Variants in ZNF346 observed in about 807,000 individuals in gnomAD.
ZNF346 encodes zinc finger protein 346.
In ZNF346, 23 loss-of-function variants were observed where a neutral mutation model predicts 33.7. That is an observed-to-expected ratio of 0.68 (90% CI 0.49 to 0.97). ZNF346 has a LOEUF of 0.97. ZNF346 is among the 50% of genes least tolerant of loss of function. The probability of loss-of-function intolerance (pLI) is 0.00; values close to 1 mark genes in which losing one functional copy is unlikely to be tolerated. For synonymous variants in ZNF346, 134 were observed against 142.4 expected, an observed-to-expected ratio of 0.94 and a Z score of 0.42; for missense variants, 340 against 371.1, an observed-to-expected ratio of 0.92 and a Z score of 0.69.
chr5:177,028,657 G>C (rs1182524214), intron 1 of ZNF346, among the ~76,000 whole-genome samples: 1 of 144,320 alleles, frequency 6.9e-6, no homozygotes, highest in East Asian at 2.0e-4. Context: ...AACTGCTCCA[G>C]AGCAAGAAAG....
At chr5:177,056,737 G>A (rs1781734520) in intron 5 of ZNF346, among the ~76,000 whole-genome samples, 1 of 150,454 alleles carries the variant, frequency 6.6e-6, no homozygotes, top group African/African-American at 2.4e-5. Context: ...GACACAGGGT[G>A]GGGAACATCA....
chr5:177,032,629 T>C (rs1212787949), intron 1 of ZNF346, among the ~76,000 whole-genome samples: 1 of 152,154 alleles, frequency 6.6e-6, no homozygotes, highest in East Asian at 1.9e-4. Flanking sequence ...CAGCCTGGTC[T>C]CAAACTCCTG....
intron 1 of ZNF346, among the ~76,000 whole-genome samples, chr5:177,025,994 A>AT (rs1165347129): frequency 6.8e-4 from 41 of 60,128 alleles, no homozygotes; most frequent in Middle Eastern, 6.7e-3. Context: ...TATTATTATT[A>AT]TTATTTTTTT....
intron 1 of ZNF346, among the ~76,000 whole-genome samples, chr5:177,037,725 T>G (rs1438791897): frequency 6.6e-6 from 1 of 152,328 alleles, no homozygotes; most frequent in East Asian, 1.9e-4. Context: ...CCTTGTTCTT[T>G]CTGCTTCCAT....
intron 1 of ZNF346, among the ~76,000 whole-genome samples, chr5:177,024,610 G>A (rs1375385650): frequency 6.6e-6 from 1 of 152,196 alleles, no homozygotes; most frequent in African/African-American, 2.4e-5. Flanking sequence ...TTGAGCTTCA[G>A]AGCTGGAGTA....
chr5:177,060,262 C>T (rs1047028128), intron 5 of ZNF346, among the ~76,000 whole-genome samples: 2 of 152,202 alleles, frequency 1.3e-5, no homozygotes, highest in African/African-American at 4.8e-5. Flanking sequence ...GCGGCTCACG[C>T]CTATAATCCC....
chr5:177,048,898 C>T (rs59031080), intron 4 of ZNF346, among the ~76,000 whole-genome samples: 3,266 of 151,336 alleles, frequency 0.022, 126 homozygotes, highest in African/African-American at 0.075. Flanking sequence ...AGTTCTCCTG[C>T]CTCAGCCTCC....
intron 5 of ZNF346, among the ~76,000 whole-genome samples, chr5:177,059,434 C>T (rs909291884): frequency 6.6e-6 from 1 of 152,162 alleles, no homozygotes; most frequent in African/African-American, 2.4e-5. Context: ...CCAAATCCCA[C>T]CAGGGGCAAA....
At chr5:177,044,302 C>T (rs1779753564) in intron 3 of ZNF346, 87 bp from the exon 4 acceptor site, 1 of 1,509,284 alleles carries the variant, frequency 6.6e-7, no homozygotes, top group Non-Finnish European at 9.1e-7. Context: ...CCATAAATGC[C>T]TGTTCTGTTA....
intron 4 of ZNF346, 171 bp from the exon 5 acceptor site, chr5:177,050,580 C>T: frequency 1.5e-6 from 1 of 669,062 alleles, no homozygotes; most frequent in Non-Finnish European, 2.6e-6. Context: ...GTGTGACTCA[C>T]ACAGGCAGTG....
intron 5 of ZNF346, 94 bp from the exon 6 acceptor site, chr5:177,061,964 C>A: frequency 9.1e-7 from 1 of 1,093,968 alleles, no homozygotes; most frequent in Non-Finnish European, 1.4e-6. Flanking sequence ...CTCACCTGTC[C>A]GTCCTTAGAA....
intron 1 of ZNF346, 97 bp from the exon 2 acceptor site, chr5:177,041,029 C>T (rs370347092): frequency 3.8e-5 from 34 of 902,754 alleles, no homozygotes; most frequent in Non-Finnish European, 6.0e-5. Flanking sequence ...AGTATGGCAT[C>T]CCATCATTCA....
chr5:177,025,808 CT>C (rs1209206083), intron 1 of ZNF346, among the ~76,000 whole-genome samples: 5 of 152,090 alleles, frequency 3.3e-5, no homozygotes, highest in Non-Finnish European at 5.9e-5. Context: ...GTATTTCCCC[CT>C]GACTGTGACT....
At chr5:177,049,077 C>T (rs1334467741) in intron 4 of ZNF346, among the ~76,000 whole-genome samples, 2 of 152,072 alleles carry the variant, frequency 1.3e-5, no homozygotes, top group African/African-American at 4.8e-5. Context: ...CAAGCCATTG[C>T]GCCTGGCCTG....
chr5:177,066,332 T>C lies in ZNF346; in HGVS notation c.*1733T>C, dbSNP rs1783161677. Among the ~76,000 whole-genome samples the C allele has an allele frequency of 6.6e-6, 1 of 152,084 alleles. No individual in the cohort carries two copies. The highest frequency in any genetic ancestry group is 1.9e-4 in the East Asian group (1 of 5,162). On this transcript the variant is annotated 3_prime_UTR_variant, in exon 7 of 7. Transcript: ENST00000358149. The stretch of plus-strand genomic sequence containing the variant: ...GAGACAAGGAGGCCAGTATGGACAC[T>C]GTGTCCAGTATGGCTTTCCAGGCTA...
chr5:177,039,431 C>T (rs555642828), intron 1 of ZNF346, among the ~76,000 whole-genome samples: 1 of 151,820 alleles, frequency 6.6e-6, no homozygotes, highest in African/African-American at 2.4e-5. Flanking sequence ...AGCTCCCCAC[C>T]AAGAACCTCT....
At chr5:177,080,344 A>G (rs944016008) in exon 9 of ZNF346, 1 of 152,216 alleles carries the variant, frequency 6.6e-6, no homozygotes, top group Non-Finnish European at 1.5e-5. Context: ...AAATATTCAT[A>G]TTGGCTACTC....
chr5:177,035,973 T>C (rs903723652), intron 1 of ZNF346, among the ~76,000 whole-genome samples: 12 of 151,878 alleles, frequency 7.9e-5, no homozygotes, highest in Admixed American at 2.0e-4. Context: ...TTTTTTTTTT[T>C]CCCTCTGTGG....
At position 177,077,090 on chromosome 5, in the gene ZNF346, T is replaced by G. The variant is rs1200761150; in HGVS notation, c.*3-2292T>G. Among the ~76,000 whole-genome samples the G allele has an allele frequency of 6.6e-6, 1 of 152,198 alleles. No homozygotes were observed. The highest frequency in any genetic ancestry group is 1.5e-5 in the Non-Finnish European group (1 of 68,042). On this transcript the variant is annotated intron_variant, in intron 8 of 8. Coordinates refer to the ZNF346 transcript ENST00000503039. This position sits in a 1 kb window ranked among gnomAD's most constrained non-coding sequence, Gnocchi z 5.0. ...CAAGTATCTTTGAATAATTTTTTCTTTAACACCAATAGTCAGCCAAATATT... is the reference window on the plus strand; with the variant it reads ...CAAGTATCTTTGAATAATTTTTTCTGTAACACCAATAGTCAGCCAAATATT...
Sources: gnomAD v4.1 joint callset for allele counts (sites outside exome capture counted in the v4.1 genomes callset) on GRCh38, gnomAD v4.1.1 for gene constraint, Gnocchi (gnomAD v3.1) non-coding constraint, MANE v1.5 for transcripts, NCBI Gene and HGNC (gene_info 2026-07-23, HGNC 2026-07-21) for gene names.